The following SEMA3D variants were observed in gnomAD, a reference collection of about 807,000 sequenced individuals.
SEMA3D encodes the protein semaphorin-3D.
Under a neutral mutation model 100.1 loss-of-function variants are expected in SEMA3D, and 84 were observed. That is an observed-to-expected ratio of 0.84 (90% confidence interval 0.70 to 1.01). The LOEUF (loss-of-function observed/expected upper bound fraction) is 1.01, where lower values mean the gene tolerates loss of function less well. Among genes scored for constraint, SEMA3D ranks in the 50% least tolerant of loss-of-function variants. The pLI, the probability that SEMA3D is intolerant of heterozygous loss-of-function variation, is 0.00. For synonymous variants in SEMA3D, 312 were observed against 320.7 expected (o/e 0.97, Z 0.29); for missense variants, 875 against 934.1 (o/e 0.94, Z 0.82).
the SEMA3D span, among the ~76,000 whole-genome samples, chr7:85,244,152 T>C: frequency 3.3e-5 from 5 of 151,840 alleles, no homozygotes; most frequent in African/African-American, 1.2e-4. Context: ...GCTTAGCTTC[T>C]GATGAGGAGC....
At chr7:85,108,219 G>A (rs1788989164) in intron 3 of SEMA3D, among the ~76,000 whole-genome samples, 1 of 151,982 alleles carries the variant, frequency 6.6e-6, no homozygotes, top group African/African-American at 2.4e-5. Flanking sequence ...AATCATTTCT[G>A]TATTTCAACA....
At chr7:85,128,676 T>C (rs1562828943) in intron 2 of SEMA3D, among the ~76,000 whole-genome samples, 9 of 151,746 alleles carry the variant, frequency 5.9e-5, no homozygotes, top group Admixed American at 3.3e-4. Flanking sequence ...TTATAATCTA[T>C]ATCTAATATT....
In SEMA3D at chr7:85,181,319, A is replaced by AACAC. The variant is rs3076567; in HGVS notation, c.-173+5355_-173+5358dup. Among the ~76,000 whole-genome samples, 711 of 93,652 alleles carry AACAC rather than the reference A, an allele frequency of 7.6e-3. 1 individual carries two copies. Among genetic ancestry groups the AACAC allele is most frequent in the African/African-American group, 0.014 (289 of 21,234 alleles). The allele number at this position is 93,652 out of a possible 152,430, so 61.4% of individuals were successfully genotyped here. A position where few individuals can be genotyped will look rare whatever the true frequency, so the allele number is the denominator to read the frequency against. On this transcript the variant is annotated intron_variant, in intron 1 of 18. Transcript: ENST00000284136. ...TGACAAAGAATAAAGACATGCTCAC[A>AACAC]ACACACACACACACACACACACACA... is the stretch of plus-strand genomic sequence containing the variant.
At chr7:85,194,096 T>C in the SEMA3D span, among the ~76,000 whole-genome samples, 628 of 152,242 alleles carry the variant, frequency 4.1e-3, 11 homozygotes, top group African/African-American at 0.014. Flanking sequence ...TCCAAGATAG[T>C]TTTTTTGTTG....
At chr7:85,024,461 A>C (rs532040438) in intron 12 of SEMA3D, among the ~76,000 whole-genome samples, 1 of 152,120 alleles carries the variant, frequency 6.6e-6, no homozygotes, top group East Asian at 1.9e-4. Flanking sequence ...AATAATTAGA[A>C]ATTTTAATGC....
intron 8 of SEMA3D, among the ~76,000 whole-genome samples, chr7:85,060,685 C>T (rs1027133603): frequency 6.6e-6 from 1 of 152,120 alleles, no homozygotes; most frequent in African/African-American, 2.4e-5. Flanking sequence ...AAACTCTTTT[C>T]ACCCAGATGA....
intron 3 of SEMA3D, among the ~76,000 whole-genome samples, chr7:85,119,122 C>T (rs755738822): frequency 5.9e-5 from 9 of 152,104 alleles, no homozygotes; most frequent in Admixed American, 2.6e-4. Context: ...ATAACAGATG[C>T]TGGCAAGGTT....
chr7:85,126,328 GTCT>G (rs527820992), intron 2 of SEMA3D, among the ~76,000 whole-genome samples: 258 of 151,446 alleles, frequency 1.7e-3, no homozygotes, highest in African/African-American at 5.9e-3. Context: ...AAATATGTAA[GTCT>G]TCTTGCATGA....
intron 3 of SEMA3D, among the ~76,000 whole-genome samples, chr7:85,112,566 G>A (rs866718454): frequency 3.9e-5 from 6 of 152,002 alleles, no homozygotes; most frequent in Admixed American, 6.6e-5. Flanking sequence ...CAATAACATG[G>A]GCCTTGAACT....
At chr7:85,124,619 C>T (rs1048216566) in intron 2 of SEMA3D, among the ~76,000 whole-genome samples, 2 of 152,008 alleles carry the variant, frequency 1.3e-5, no homozygotes, top group African/African-American at 4.8e-5. Context: ...GACAAGTATA[C>T]TTTCATGGAG....
intron 12 of SEMA3D, among the ~76,000 whole-genome samples, chr7:85,029,897 G>A (rs1790497809): frequency 6.6e-6 from 1 of 151,976 alleles, no homozygotes; most frequent in Non-Finnish European, 1.5e-5. Context: ...AGTGGAAAAT[G>A]CAATGTCTTA....
At chr7:85,199,296 A>G in the SEMA3D span, among the ~76,000 whole-genome samples, 1 of 148,090 alleles carries the variant, frequency 6.8e-6, no homozygotes. Flanking sequence ...ATGTTGCTTA[A>G]GTCTTCTTTA....
chr7:85,028,560 G>A (rs1467532223), intron 12 of SEMA3D: 3 of 297,822 alleles, frequency 1.0e-5, no homozygotes, highest in Non-Finnish European at 1.9e-5. Context: ...CATTTTACTG[G>A]TGAGTTATAG....
chr7:85,043,501 G>A (rs1044702926), intron 9 of SEMA3D, among the ~76,000 whole-genome samples: 5 of 151,856 alleles, frequency 3.3e-5, no homozygotes, highest in African/African-American at 4.8e-5. Flanking sequence ...TCAATTACAC[G>A]ATAAACAGAA....
chr7:85,176,832 T>A (rs1368254081), intron 1 of SEMA3D, among the ~76,000 whole-genome samples: 2 of 151,756 alleles, frequency 1.3e-5, no homozygotes, highest in African/African-American at 4.8e-5. Context: ...CATTTAGAGA[T>A]ATATCTGTAC....
the SEMA3D span, among the ~76,000 whole-genome samples, chr7:85,210,604 A>G: frequency 5.3e-5 from 8 of 151,982 alleles, no homozygotes; most frequent in Non-Finnish European, 1.2e-4. Context: ...AAGTTACTTA[A>G]GACATCTACA....
intron 7 of SEMA3D, among the ~76,000 whole-genome samples, chr7:85,066,987 C>T (rs990684393): frequency 6.6e-6 from 1 of 150,710 alleles, no homozygotes; most frequent in East Asian, 2.0e-4. Context: ...GGTACTGCTT[C>T]CATCCTCTTA....
chr7:85,193,849 A>G, the SEMA3D span, among the ~76,000 whole-genome samples: 1 of 147,510 alleles, frequency 6.8e-6, no homozygotes, highest in East Asian at 2.1e-4. Context: ...CAACAATAAC[A>G]ACAAAAATTA....
At chr7:85,236,954 T>G in the SEMA3D span, among the ~76,000 whole-genome samples, 1 of 152,148 alleles carries the variant, frequency 6.6e-6, no homozygotes, top group African/African-American at 2.4e-5. Context: ...GCATTTGAAA[T>G]AGTACAGAGA....
Sources: allele counts gnomAD v4.1 joint callset (sites outside exome capture counted in the v4.1 genomes callset), GRCh38; gene constraint gnomAD v4.1.1; transcripts MANE v1.5; gene names NCBI Gene and HGNC (gene_info 2026-07-23, HGNC 2026-07-21).